NAALADL2: variants seen among roughly 807,000 people sequenced by gnomAD.
The protein encoded by NAALADL2 is N-acetylated alpha-linked acidic dipeptidase like 2.
Under a neutral mutation model 87.2 loss-of-function variants are expected in NAALADL2, and 76 were observed. That is an observed-to-expected ratio of 0.87 (90% confidence interval 0.72 to 1.05). The LOEUF is 1.05. NAALADL2 is among the 50% of genes least tolerant of loss of function. NAALADL2 has a pLI of 0.00. For missense variants in NAALADL2, 1,089 were observed against 945.8 expected, an observed-to-expected ratio of 1.15 and a Z score of -1.99; for synonymous variants, 354 against 331.0, an observed-to-expected ratio of 1.07 and a Z score of -0.75.
intron 1 of NAALADL2, among the ~76,000 whole-genome samples, chr3:175,007,247 C>G (rs1474554389): frequency 1.3e-5 from 2 of 148,168 alleles, no homozygotes; most frequent in Admixed American, 1.3e-4. Context: ...GGTTAATTAA[C>G]AAGTATCAGA....
chr3:174,738,558 T>A (rs1050739244), intron 3 of NAALADL2, among the ~76,000 whole-genome samples: 1 of 152,132 alleles, frequency 6.6e-6, no homozygotes, highest in Non-Finnish European at 1.5e-5. Context: ...AGACTGTGCC[T>A]CTTATGAAGC....
At chr3:175,264,124 A>G (rs113144839) in intron 4 of NAALADL2, among the ~76,000 whole-genome samples, 263 of 152,004 alleles carry the variant, frequency 1.7e-3, no homozygotes, top group African/African-American at 6.0e-3. Context: ...ACAGCATTGC[A>G]GGATGCAAGA....
intron 13 of NAALADL2, among the ~76,000 whole-genome samples, chr3:175,785,075 G>T (rs1442673378): frequency 1.3e-5 from 2 of 151,234 alleles, no homozygotes; most frequent in Non-Finnish European, 3.0e-5. Flanking sequence ...GAGATAGTTT[G>T]TTATAATGTC....
At chr3:175,628,617 G>GTATATATATATATATATATATATATA (rs34276529) in intron 11 of NAALADL2, among the ~76,000 whole-genome samples, 2 of 139,200 alleles carry the variant, frequency 1.4e-5, no homozygotes, top group African/African-American at 5.2e-5. Flanking sequence ...CTCTCTCTAT[G>GTATATATATATATATATATATATATA]TATATATATA....
At chr3:174,553,729 C>T (rs1338905473) in intron 2 of NAALADL2, among the ~76,000 whole-genome samples, 1 of 152,060 alleles carries the variant, frequency 6.6e-6, no homozygotes, top group Non-Finnish European at 1.5e-5. Context: ...CCCTTGATTT[C>T]ATCTGGGAAT....
chr3:174,646,203 A>C (rs1241277873), intron 2 of NAALADL2, among the ~76,000 whole-genome samples: 1 of 152,118 alleles, frequency 6.6e-6, no homozygotes, highest in Non-Finnish European at 1.5e-5. Flanking sequence ...GGGCAGTTGA[A>C]AAAAAAATTC....
chr3:175,649,978 C>A (rs1378109045), intron 11 of NAALADL2, among the ~76,000 whole-genome samples: 1 of 149,284 alleles, frequency 6.7e-6, no homozygotes, highest in African/African-American at 2.5e-5. Context: ...TAAGCTTATC[C>A]TATGACCCAA....
intron 5 of NAALADL2, among the ~76,000 whole-genome samples, chr3:175,403,354 G>A (rs1711703619): frequency 6.6e-6 from 1 of 151,712 alleles, no homozygotes; most frequent in Admixed American, 6.6e-5. Flanking sequence ...CATTTGTTTT[G>A]TAGATGTCTA....
intron 5 of NAALADL2, among the ~76,000 whole-genome samples, chr3:175,423,051 A>ATATATATATATAT (rs1458599872): frequency 1.1e-4 from 10 of 91,506 alleles, no homozygotes; most frequent in African/African-American, 4.2e-4. Flanking sequence ...ATATATATAT[A>ATATATATATATAT]TTTTTTTTTT....
Position 174,449,346 on chromosome 3 carries a change from A to G in NAALADL2, c.-184+8314A>G, listed in dbSNP as rs1423773791. Among the ~76,000 whole-genome samples the G allele has an allele frequency of 5.3e-5, 8 of 152,360 alleles. No homozygotes were observed. In the South Asian group the frequency reaches 1.2e-3, roughly 24 times the overall value. On this transcript the variant is annotated intron_variant, in intron 1 of 3. Transcript: ENST00000434257. ...AGGAAGAAAAAACAAAAAACATTTC[A>G]GCACTAAAACTAAAAAACAAAAAAC...
chr3:174,519,324 TC>T (rs1416378717), intron 1 of NAALADL2, among the ~76,000 whole-genome samples: 1 of 149,850 alleles, frequency 6.7e-6, no homozygotes, highest in East Asian at 1.9e-4. Flanking sequence ...AATGAAGATT[TC>T]CTTTTTTTTT....
intron 11 of NAALADL2, among the ~76,000 whole-genome samples, chr3:175,649,715 A>T (rs115644905): frequency 2.6e-5 from 4 of 152,050 alleles, no homozygotes; most frequent in Admixed American, 1.3e-4. Context: ...TTGGCCCCAG[A>T]CTTATTACCT....
chr3:175,573,007 T>C (rs1412173512), intron 9 of NAALADL2, among the ~76,000 whole-genome samples: 1 of 152,212 alleles, frequency 6.6e-6, no homozygotes, highest in Non-Finnish European at 1.5e-5. Context: ...GCAGCTATTA[T>C]ATAACTAAAT....
chr3:175,461,805 G>A (rs1723173138), intron 6 of NAALADL2, among the ~76,000 whole-genome samples: 1 of 152,108 alleles, frequency 6.6e-6, no homozygotes, highest in Admixed American at 6.6e-5. Flanking sequence ...TGGATCGTTT[G>A]GAACAAAGCT....
In NAALADL2 at chr3:175,451,328, TA is replaced by T. The variant is rs61203871; in HGVS notation, c.1234+3966del. The stretch of plus-strand genomic sequence containing the variant: ...TGGGCATTTGTATCGCTGCGAGAAC[TA>T]AAAAAAAAAGTATAAGGAATGGAAA... On this transcript the variant is annotated intron_variant, in intron 6 of 13. Coordinates refer to ENST00000454872, the MANE Select transcript of NAALADL2 (RefSeq NM_207015.3). Among the ~76,000 whole-genome samples, 33 of 147,496 alleles carry T rather than the reference TA, an allele frequency of 2.2e-4. No individual in the cohort carries two copies. In the East Asian group the frequency reaches 2.3e-3, roughly 10 times the overall value.
At chr3:175,438,325 A>G (rs1443935357) in intron 5 of NAALADL2, among the ~76,000 whole-genome samples, 2 of 152,200 alleles carry the variant, frequency 1.3e-5, no homozygotes, top group Admixed American at 1.3e-4. Flanking sequence ...CACAAGGACA[A>G]CAAAATGACT....
At chr3:174,456,991 C>A (rs188745822) in intron 1 of NAALADL2, among the ~76,000 whole-genome samples, 1 of 152,088 alleles carries the variant, frequency 6.6e-6, no homozygotes, top group East Asian at 1.9e-4. Flanking sequence ...CAAGCATCTA[C>A]AGGGAACTTA....
At chr3:175,661,044 C>G (rs1480401326) in intron 11 of NAALADL2, among the ~76,000 whole-genome samples, 1 of 152,086 alleles carries the variant, frequency 6.6e-6, no homozygotes, top group South Asian at 2.1e-4. Flanking sequence ...TAAGGTAGTT[C>G]TATTTTTAGT....
chr3:175,162,552 TA>T (rs1306834633), intron 2 of NAALADL2, among the ~76,000 whole-genome samples: 2 of 152,146 alleles, frequency 1.3e-5, no homozygotes, highest in African/African-American at 4.8e-5. Context: ...ACATAGCTAA[TA>T]CAAATTATTT....
Sources: allele counts gnomAD v4.1 joint callset (sites outside exome capture counted in the v4.1 genomes callset), GRCh38; gene constraint gnomAD v4.1.1; transcripts MANE v1.5; gene names NCBI Gene and HGNC (gene_info 2026-07-23, HGNC 2026-07-21).